The following PTPRD variants were observed in gnomAD, a reference collection of about 807,000 sequenced individuals.
PTPRD encodes protein tyrosine phosphatase receptor type D.
PTPRD carries 34 observed loss-of-function variants against 214.5 expected under a neutral mutation model. That is an observed-to-expected ratio of 0.16 (90% CI 0.12 to 0.21). PTPRD has a LOEUF of 0.21. Ranked by LOEUF, PTPRD falls within the 10% of genes least tolerant of loss-of-function variation. PTPRD has a pLI of 1.00. For missense variants in PTPRD, 2,545 were observed against 2,398.7 expected, an observed-to-expected ratio of 1.06 and a Z score of -1.27; for synonymous variants, 1,128 against 845.7, an observed-to-expected ratio of 1.33 and a Z score of -5.79.
chr9:8,339,105 T>G, intron 42 of PTPRD, 58 bp from the exon 43 acceptor site: 1 of 1,498,698 alleles, frequency 6.7e-7, no homozygotes, highest in Non-Finnish European at 9.0e-7. Context: ...ATTCTGTATA[T>G]TATCTATCTA....
intron 11 of PTPRD, among the ~76,000 whole-genome samples, chr9:8,791,087 G>C (rs2096211325): frequency 1.3e-5 from 2 of 152,198 alleles, no homozygotes; most frequent in African/African-American, 4.8e-5. Flanking sequence ...GGCTTCTATG[G>C]AGAGAGTGAA....
chr9:9,823,722 C>A (rs900126869), intron 5 of PTPRD, among the ~76,000 whole-genome samples: 1 of 151,778 alleles, frequency 6.6e-6, no homozygotes, highest in South Asian at 2.1e-4. Context: ...CTACCAGAGG[C>A]TAGGAATTAT....
chr9:10,112,435 T>A (rs1417915574), intron 3 of PTPRD, among the ~76,000 whole-genome samples: 1 of 152,238 alleles, frequency 6.6e-6, no homozygotes, highest in African/African-American at 2.4e-5. Context: ...TTATCTATTT[T>A]TTTTTTGTCA....
chr9:8,724,764 T>C (rs566862447), intron 12 of PTPRD, among the ~76,000 whole-genome samples: 14 of 149,840 alleles, frequency 9.3e-5, no homozygotes, highest in African/African-American at 3.2e-4. Flanking sequence ...GGAAACCCCA[T>C]CTCTAAAAAA....
intron 12 of PTPRD, among the ~76,000 whole-genome samples, chr9:8,724,254 T>C (rs965724656): frequency 6.6e-6 from 1 of 152,216 alleles, no homozygotes; most frequent in African/African-American, 2.4e-5. Flanking sequence ...GAATACACTT[T>C]AGGTCCCTTC....
At chr9:9,891,700 T>C (rs1306454463) in intron 5 of PTPRD, among the ~76,000 whole-genome samples, 1 of 152,114 alleles carries the variant, frequency 6.6e-6, no homozygotes, top group Non-Finnish European at 1.5e-5. Flanking sequence ...CTATTTCCTA[T>C]TTATAAGTTG....
At chr9:9,585,415 T>C (rs1457542284) in intron 7 of PTPRD, among the ~76,000 whole-genome samples, 1 of 152,128 alleles carries the variant, frequency 6.6e-6, no homozygotes, top group Non-Finnish European at 1.5e-5. Context: ...CTTTCCAAAT[T>C]AGTATTTCTA....
chr9:10,038,275 C>G (rs556503100), intron 3 of PTPRD, among the ~76,000 whole-genome samples: 10 of 152,202 alleles, frequency 6.6e-5, no homozygotes, highest in African/African-American at 2.4e-4. Flanking sequence ...TACAACATCT[C>G]TCATGATGGC....
chr9:9,733,077 A>G (rs1037923476), intron 7 of PTPRD, among the ~76,000 whole-genome samples: 2 of 152,220 alleles, frequency 1.3e-5, no homozygotes, highest in African/African-American at 4.8e-5. Context: ...CAGGCCTAGT[A>G]AAAGCCTGCA....
intron 7 of PTPRD, among the ~76,000 whole-genome samples, chr9:9,622,054 A>G (rs2095261256): frequency 6.6e-6 from 1 of 152,174 alleles, no homozygotes; most frequent in Admixed American, 6.5e-5. Context: ...GTTGCCTTTC[A>G]CAATTTACTA....
At chr9:10,560,478 C>T (rs1325797381) in intron 2 of PTPRD, among the ~76,000 whole-genome samples, 4 of 152,044 alleles carry the variant, frequency 2.6e-5, no homozygotes, top group Non-Finnish European at 2.9e-5. Context: ...TTAGTGGGTG[C>T]AGCGCACCAG....
intron 8 of PTPRD, among the ~76,000 whole-genome samples, chr9:9,425,400 T>C (rs1319599570): frequency 2.8e-5 from 2 of 70,868 alleles, no homozygotes; most frequent in East Asian, 2.8e-4. Flanking sequence ...TTATATAATT[T>C]ATAATATAAA....
intron 11 of PTPRD, among the ~76,000 whole-genome samples, chr9:8,739,916 G>T (rs771497338): frequency 5.3e-5 from 8 of 152,216 alleles, no homozygotes; most frequent in Middle Eastern, 3.4e-3. Flanking sequence ...GCTGCCATGT[G>T]AGATGTGACT....
At chr9:8,485,001 C>A (rs1229363307) in intron 29 of PTPRD, among the ~76,000 whole-genome samples, 1 of 152,126 alleles carries the variant, frequency 6.6e-6, no homozygotes, top group Non-Finnish European at 1.5e-5. Context: ...TAGTAGGTAA[C>A]CTACAAGTGA....
rs74603752 is a variant in PTPRD at position 9,829,253 on chromosome 9, C to T, written c.-367-62402G>A. On this transcript the variant is annotated intron_variant, in intron 5 of 45. Transcript: ENST00000381196. ...ACATAAGAATACCTACAGTGATGTT[C>T]GTCTTCTGAATGTTTACAGATAATC... is the stretch of plus-strand genomic sequence containing the variant. Among the ~76,000 whole-genome samples the T allele has an allele frequency of 4.4e-3, 673 of 151,842 alleles. 5 individuals carry two copies. Among genetic ancestry groups the T allele is most frequent in the African/African-American group, 0.016 (645 of 41,484 alleles).
At chr9:9,479,680 C>T (rs1221136324) in intron 8 of PTPRD, among the ~76,000 whole-genome samples, 1 of 152,016 alleles carries the variant, frequency 6.6e-6, no homozygotes, top group Non-Finnish European at 1.5e-5. Context: ...ATGGCAATCA[C>T]TATTGTTTTA....
intron 9 of PTPRD, among the ~76,000 whole-genome samples, chr9:9,232,510 T>C (rs796628438): frequency 3.3e-5 from 5 of 152,146 alleles, no homozygotes; most frequent in Non-Finnish European, 7.3e-5. Context: ...TAAAAGATCA[T>C]TGCATGGTAA....
chr9:8,634,261 T>C (rs776041907), intron 13 of PTPRD, among the ~76,000 whole-genome samples: 1 of 151,914 alleles, frequency 6.6e-6, no homozygotes, highest in Non-Finnish European at 1.5e-5. Flanking sequence ...AAGATGATGA[T>C]ATTAACAAAT....
At chr9:10,569,855 G>C (rs2066869264) in intron 2 of PTPRD, among the ~76,000 whole-genome samples, 1 of 151,906 alleles carries the variant, frequency 6.6e-6, no homozygotes, top group Non-Finnish European at 1.5e-5. Flanking sequence ...TGGATGTAAA[G>C]AAAAATATTT....
Sources: allele counts gnomAD v4.1 joint callset (sites outside exome capture counted in the v4.1 genomes callset), GRCh38; gene constraint gnomAD v4.1.1; transcripts MANE v1.5; gene names NCBI Gene and HGNC (gene_info 2026-07-23, HGNC 2026-07-21).